TTC19: variants seen among roughly 807,000 people sequenced by gnomAD.
The protein encoded by TTC19 is tetratricopeptide repeat protein 19, mitochondrial.
A neutral mutation model predicts 49.5 loss-of-function variants in TTC19; 38 were observed. The ratio of observed to expected loss-of-function variants is 0.77; its 90% confidence interval spans 0.59 to 1.01. The LOEUF (loss-of-function observed/expected upper bound fraction) is 1.01, where lower values mean the gene tolerates loss of function less well. Among genes scored for constraint, TTC19 ranks in the 50% least tolerant of loss-of-function variants. The pLI, the probability that TTC19 is intolerant of heterozygous loss-of-function variation, is 0.00. For synonymous variants in TTC19, 204 were observed against 185.2 expected (o/e 1.10, Z -0.83); for missense variants, 475 against 477.7 (o/e 0.99, Z 0.05).
At chr17:16,034,892 C>A (rs1347420036) in intron 2 of TTC19, 1 of 1,613,972 alleles carries the variant, frequency 6.2e-7, no homozygotes, top group Non-Finnish European at 8.5e-7. Context: ...GTATAGGAGA[C>A]TTAGATTTCC....
downstream of TTC19, chr17:16,032,307 T>C (rs1972167046): frequency 2.5e-6 from 4 of 1,612,696 alleles, no homozygotes; most frequent in Non-Finnish European, 3.4e-6. Context: ...CAGTCATCAC[T>C]ATCCGACAGG....
chr17:16,002,735 T>C, intron 3 of TTC19, 58 bp from the exon 4 acceptor site: 1 of 1,547,912 alleles, frequency 6.5e-7, no homozygotes, highest in Non-Finnish European at 8.9e-7. Context: ...TTTAAAGTTT[T>C]GAAATAAGTA....
chr17:16,011,846 C>T (rs962616736), intron 7 of TTC19, among the ~76,000 whole-genome samples: 3 of 152,148 alleles, frequency 2.0e-5, no homozygotes, highest in East Asian at 1.9e-4. Context: ...ATACATAAAA[C>T]GTACTTAGAA....
chr17:16,002,832 G>C lies in TTC19; in HGVS notation c.462+1G>C. On this transcript the variant is annotated splice_donor_variant, in intron 4 of 9. Transcript: ENST00000261647. LOFTEE classifies it high-confidence loss of function. ...ATTTATACGGGGTCAGCTTGAAAAT[G>C]TAAGTAAATTGCTTTGTAATATCTT... The C allele has an allele frequency of 6.2e-7, 1 of 1,613,938 alleles. No homozygotes were observed. Among genetic ancestry groups the C allele is most frequent in the Non-Finnish European group, 8.5e-7 (1 of 1,179,866 alleles).
intron 2 of TTC19, among the ~76,000 whole-genome samples, chr17:16,035,530 C>CTTTTT (rs966987249): frequency 8.5e-6 from 1 of 118,340 alleles, no homozygotes; most frequent in Non-Finnish European, 1.8e-5. Context: ...TTCTCTTGTT[C>CTTTTT]TTTTTTTTTT....
At chr17:16,030,086 A>G (rs945680746), downstream of TTC19, 2 of 178,758 alleles carry the variant, frequency 1.1e-5, no homozygotes, top group African/African-American at 2.4e-5. Context: ...TACGGATAAC[A>G]TAGTCGATTG....
intron 7 of TTC19, among the ~76,000 whole-genome samples, chr17:16,020,620 A>C (rs1449001065): frequency 6.6e-6 from 1 of 151,994 alleles, no homozygotes; most frequent in Non-Finnish European, 1.5e-5. Flanking sequence ...AACTATTTTT[A>C]GTTTCATTAT....
intron 7 of TTC19, among the ~76,000 whole-genome samples, chr17:16,008,856 A>C (rs553324642): frequency 3.7e-4 from 56 of 151,934 alleles, no homozygotes; most frequent in Non-Finnish European, 7.1e-4. Context: ...ATCTCTTCCC[A>C]CCTTACTATT....
intron 6 of TTC19, among the ~76,000 whole-genome samples, chr17:16,005,901 T>C (rs762382092): frequency 8.5e-5 from 13 of 152,286 alleles, no homozygotes; most frequent in Admixed American, 2.6e-4. Context: ...AGATGATGAA[T>C]ACTGCTGGCT....
intron 2 of TTC19, among the ~76,000 whole-genome samples, chr17:16,001,195 T>A (rs1025607071): frequency 2.0e-5 from 3 of 151,912 alleles, no homozygotes; most frequent in African/African-American, 7.3e-5. Context: ...GTCAGAAAGC[T>A]CTGAATGGCT....
At chr17:16,011,175 C>CT (rs931658918) in intron 7 of TTC19, among the ~76,000 whole-genome samples, 3 of 151,984 alleles carry the variant, frequency 2.0e-5, no homozygotes, top group African/African-American at 7.2e-5. Context: ...TCTTCATCTT[C>CT]TTTTTTTTGT....
chr17:16,044,923 A>G, exon 3 of TTC19: 2 of 657,168 alleles, frequency 3.0e-6, no homozygotes, highest in Non-Finnish European at 2.8e-6. Context: ...GAATCTGAGG[A>G]GTCTGATGAT....
chr17:16,023,213 T>C (rs1324649922), intron 7 of TTC19: 2 of 152,238 alleles, frequency 1.3e-5, no homozygotes, highest in African/African-American at 4.8e-5. Context: ...ATTTTAAATG[T>C]ATTTTTAAGA....
chr17:16,003,996 A>C, intron 5 of TTC19, 109 bp downstream of exon 5: 1 of 1,276,398 alleles, frequency 7.8e-7, no homozygotes, highest in Non-Finnish European at 1.1e-6. Context: ...GGAAAGGTGG[A>C]GTTTCCCTTC....
intron 2 of TTC19, chr17:16,040,195 C>T: frequency 1.6e-6 from 1 of 607,932 alleles, no homozygotes; most frequent in Non-Finnish European, 3.0e-6. Context: ...TCTCAGTTCC[C>T]TAGTTTTGAC....
intron 2 of TTC19, among the ~76,000 whole-genome samples, chr17:16,035,380 T>A (rs2045276366): frequency 6.6e-6 from 1 of 152,178 alleles, no homozygotes. Context: ...ATTTCAGCCA[T>A]GTTCACAGCA....
chr17:16,027,584 C>G lies in TTC19; in HGVS notation c.*62C>G. 6.3e-7 allele frequency: 1 copy of G among 1,579,054 alleles called. No individual in the cohort carries two copies. The highest frequency in any genetic ancestry group is 8.7e-7 in the Non-Finnish European group (1 of 1,150,848). Reference sequence around the variant, plus strand: ...GTGGAAGAATAGCTATCATTCCTGTCTCTGTGGCACCCGATCAATGGCTTA... The same window carrying G: ...GTGGAAGAATAGCTATCATTCCTGTGTCTGTGGCACCCGATCAATGGCTTA... On this transcript the variant is annotated 3_prime_UTR_variant, in exon 10 of 10. Coordinates refer to ENST00000261647, the MANE Select transcript of TTC19 (RefSeq NM_017775.4).
chr17:16,026,550 T>G lies in TTC19; in HGVS notation c.842T>G (p.Leu281Arg). ...TTCTTTTACATACAGACCATTGTGC[T>G]GATGAGTGACCTGGCTACTACCCTG... ...QGERHPQTIV[L>R]MSDLATTLDA... The change falls in exon 9 of 10, where the codon CTG (leucine) becomes CGG (arginine). Residue 281 changes from leucine (L) to arginine (R), a missense_variant. Coordinates refer to ENST00000261647, the MANE Select transcript of TTC19 (RefSeq NM_017775.4). The G allele has an allele frequency of 6.2e-7, 1 of 1,614,142 alleles. No individual in the cohort carries two copies. Among genetic ancestry groups the G allele is most frequent in the Non-Finnish European group, 8.5e-7 (1 of 1,180,004 alleles).
At chr17:16,015,310 A>G (rs1040870250) in intron 7 of TTC19, among the ~76,000 whole-genome samples, 1 of 152,058 alleles carries the variant, frequency 6.6e-6, no homozygotes, top group Non-Finnish European at 1.5e-5. Flanking sequence ...TAATTTCAAT[A>G]TAGGACAGTG....
Sources: allele counts gnomAD v4.1 joint callset (sites outside exome capture counted in the v4.1 genomes callset), GRCh38; gene constraint gnomAD v4.1.1; transcripts MANE v1.5; gene names NCBI Gene and HGNC (gene_info 2026-07-23, HGNC 2026-07-21).